Variants in TOX3 observed in about 807,000 individuals in gnomAD.
TOX3 encodes CAG trinucleotide repeat-containing gene F9 protein.
Under a neutral mutation model 64.3 loss-of-function variants are expected in TOX3, and 22 were observed. That is an observed-to-expected ratio of 0.34 (90% CI 0.24 to 0.49). The LOEUF (loss-of-function observed/expected upper bound fraction) is 0.49, where lower values mean the gene tolerates loss of function less well. Ranked by LOEUF, TOX3 falls within the 20% of genes least tolerant of loss-of-function variation. The pLI is 0.99. For missense variants in TOX3, 661 were observed against 714.4 expected (o/e 0.93, Z 0.85); for synonymous variants, 291 against 273.6 (o/e 1.06, Z -0.63).
chr16:52,486,163 G>T (rs1245426964), intron 1 of TOX3, among the ~76,000 whole-genome samples: 1 of 152,118 alleles, frequency 6.6e-6, no homozygotes, highest in Non-Finnish European at 1.5e-5. Flanking sequence ...ACTGGGAAGG[G>T]AGAACATCCC....
chr16:52,509,960 GC>G (rs1325882517), intron 1 of TOX3, among the ~76,000 whole-genome samples: 2 of 152,066 alleles, frequency 1.3e-5, no homozygotes. Flanking sequence ...AGTCTAAAAG[GC>G]CCCTCAGTCC....
At chr16:52,508,969 T>A (rs1031635462) in intron 1 of TOX3, among the ~76,000 whole-genome samples, 1 of 152,182 alleles carries the variant, frequency 6.6e-6, no homozygotes, top group South Asian at 2.1e-4. Context: ...TCATAAAGTA[T>A]CTCAAAAAGG....
Position 52,438,201 on chromosome 16 carries a change from C to T in TOX3, c.*1024G>A, listed in dbSNP as rs1262749845. The T allele has an allele frequency of 6.6e-6, 1 of 152,530 alleles. No individual in the cohort carries two copies. Among genetic ancestry groups the T allele is most frequent in the Non-Finnish European group, 1.5e-5 (1 of 68,006 alleles). 9.4% of individuals were successfully genotyped at this position (152,530 alleles called of 1,614,324 possible). A position where few individuals can be genotyped will look rare whatever the true frequency, so the allele number is the denominator to read the frequency against. ...AAAAGTATAAAACAGCATAAAAACA[C>T]AATAAGCAACGTAGCAATGAATGGT... On this transcript the variant is annotated 3_prime_UTR_variant, in exon 7 of 7. Transcript: ENST00000219746.
intron 1 of TOX3, among the ~76,000 whole-genome samples, chr16:52,521,434 G>T (rs1962605347): frequency 6.6e-6 from 1 of 151,858 alleles, no homozygotes; most frequent in Admixed American, 6.6e-5. Flanking sequence ...TACAAGGGTT[G>T]TAGTATTCAG....
Position 52,546,871 on chromosome 16 carries a change from G to A in TOX3, c.-148C>T. ...GGAGGGGCGCCGGGACCCAGAGCCCGAGGAGCTCGGGAGCCGCGGCCGCCG... is the reference window on the plus strand; with the variant it reads ...GGAGGGGCGCCGGGACCCAGAGCCCAAGGAGCTCGGGAGCCGCGGCCGCCG... On this transcript the variant is annotated 5_prime_UTR_variant, in exon 1 of 7. Coordinates refer to ENST00000219746, the MANE Select transcript of TOX3 (RefSeq NM_001080430.4). The A allele has an allele frequency of 3.3e-6, 4 of 1,196,088 alleles. No individual in the cohort carries two copies. The highest frequency in any genetic ancestry group is 1.6e-5 in the African/African-American group (1 of 62,744). The allele number at this position is 1,196,088 out of a possible 1,614,324, so 74.1% of individuals were successfully genotyped here.
chr16:52,491,399 C>T (rs1052928310), intron 1 of TOX3, among the ~76,000 whole-genome samples: 43 of 152,074 alleles, frequency 2.8e-4, no homozygotes, highest in Non-Finnish European at 6.2e-4. Context: ...GTAATCTTAC[C>T]ACACAGCTGA....
chr16:52,449,827 T>C (rs1395928787), intron 4 of TOX3, among the ~76,000 whole-genome samples: 1 of 152,268 alleles, frequency 6.6e-6, no homozygotes, highest in Non-Finnish European at 1.5e-5. Flanking sequence ...ATGAAGAGAA[T>C]GAACTCAGCG....
intron 1 of TOX3, among the ~76,000 whole-genome samples, chr16:52,509,164 A>G (rs1962236950): frequency 6.6e-6 from 1 of 152,324 alleles, no homozygotes; most frequent in Non-Finnish European, 1.5e-5. Flanking sequence ...AGCTATTTAT[A>G]TATAGCTTCA....
At chr16:52,517,879 T>A (rs914289697) in intron 1 of TOX3, among the ~76,000 whole-genome samples, 2 of 152,180 alleles carry the variant, frequency 1.3e-5, no homozygotes, top group Non-Finnish European at 2.9e-5. Flanking sequence ...AGACACAGAT[T>A]TTTGCTTCTA....
chr16:52,453,197 T>TC (rs1960409501), intron 3 of TOX3, among the ~76,000 whole-genome samples: 1 of 151,698 alleles, frequency 6.6e-6, no homozygotes, highest in South Asian at 2.1e-4. Flanking sequence ...GCTTTTTTTT[T>TC]TTTTTAGATG....
intron 3 of TOX3, among the ~76,000 whole-genome samples, chr16:52,458,378 G>A (rs940306179): frequency 1.3e-5 from 2 of 152,054 alleles, no homozygotes; most frequent in African/African-American, 4.8e-5. Context: ...TGAATAAAAG[G>A]AACAGGGGTA....
chr16:52,541,327 T>C (rs1963074256), intron 1 of TOX3, among the ~76,000 whole-genome samples: 1 of 152,240 alleles, frequency 6.6e-6, no homozygotes, highest in Non-Finnish European at 1.5e-5. Flanking sequence ...GCATCATTTG[T>C]TGCTCCTTTA....
rs1466053584 is a variant in TOX3, at chr16:52,437,474, C to T, written c.*1751G>A. The stretch of plus-strand genomic sequence containing the variant: ...TTGCTGTTTTTAATTTTCATTTTAT[C>T]ATAAGCAGTTTAAGACTGTTGCCAG... On this transcript the variant is annotated 3_prime_UTR_variant, in exon 7 of 7. Transcript: ENST00000219746. 6.6e-6 allele frequency: 1 copy of T among 152,184 alleles called. No homozygotes were observed. Among genetic ancestry groups the T allele is most frequent in the Non-Finnish European group, 1.5e-5 (1 of 68,032 alleles). 9.4% of individuals were successfully genotyped at this position (152,184 alleles called of 1,614,324 possible).
intron 1 of TOX3, among the ~76,000 whole-genome samples, chr16:52,528,353 A>G (rs1962771198): frequency 6.6e-6 from 1 of 152,072 alleles, no homozygotes; most frequent in Non-Finnish European, 1.5e-5. Flanking sequence ...AACTCTATGG[A>G]GTAGGTGGGT....
Position 52,445,649 on chromosome 16 carries a change from C to T in TOX3, c.906+345G>A, listed in dbSNP as rs1015611288. ...CAATGGAAAGGCAAGCAGGATGGAC[C>T]TAATCCCTTTGTAGTGCCCTTTTTG... On this transcript the variant is annotated intron_variant, in intron 5 of 6. Transcript: ENST00000219746. 1.9e-5 allele frequency: 4 copies of T among 214,934 alleles called. No homozygotes were observed. The East Asian group carries it at 3.5e-4, about 19-fold the overall frequency. 13.3% of individuals were successfully genotyped at this position (214,934 alleles called of 1,614,324 possible). A position where few individuals can be genotyped will look rare whatever the true frequency, so the allele number is the denominator to read the frequency against.
At chr16:52,512,069 G>T (rs1030159310) in intron 1 of TOX3, among the ~76,000 whole-genome samples, 1 of 152,140 alleles carries the variant, frequency 6.6e-6, no homozygotes, top group Admixed American at 6.5e-5. Context: ...TAAGTCTGAG[G>T]AACTCTCCCT....
chr16:52,442,368 G>A (rs1960023403), intron 6 of TOX3, among the ~76,000 whole-genome samples: 1 of 152,114 alleles, frequency 6.6e-6, no homozygotes, highest in Non-Finnish European at 1.5e-5. Flanking sequence ...CTCACCCCTT[G>A]GATGAGTTCT....
chr16:52,481,645 G>T (rs200346809), intron 1 of TOX3, among the ~76,000 whole-genome samples: 1 of 152,192 alleles, frequency 6.6e-6, no homozygotes, highest in African/African-American at 2.4e-5. Flanking sequence ...TAGCTGATAA[G>T]AAATTATGGG....
At chr16:52,473,944 C>T (rs532289932) in intron 1 of TOX3, among the ~76,000 whole-genome samples, 126 of 152,224 alleles carry the variant, frequency 8.3e-4, no homozygotes, top group Admixed American at 1.8e-3. Context: ...TAGATTTACA[C>T]GCACATACAT....
Sources: allele counts gnomAD v4.1 joint callset (sites outside exome capture counted in the v4.1 genomes callset), GRCh38; gene constraint gnomAD v4.1.1; transcripts MANE v1.5; gene names NCBI Gene and HGNC (gene_info 2026-07-23, HGNC 2026-07-21).